Variants in NOMO1 observed in about 807,000 individuals in gnomAD.
NOMO1 encodes nodal modulator 3.
Under a neutral mutation model 133.8 loss-of-function variants are expected in NOMO1, and 40 were observed. The ratio of observed to expected loss-of-function variants is 0.30; its 90% CI spans 0.23 to 0.39. The LOEUF (loss-of-function observed/expected upper bound fraction) is 0.39. Ranked by LOEUF, NOMO1 falls within the 10% of genes least tolerant of loss-of-function variation. The pLI is 1.00. For missense variants in NOMO1, 462 were observed against 1,419.9 expected, an observed-to-expected ratio of 0.33 and a Z score of 10.84; for synonymous variants, 236 against 570.5, an observed-to-expected ratio of 0.41 and a Z score of 8.36.
chr16:14,837,202 A>G (rs1050073286), intron 1 of NOMO1, among the ~76,000 whole-genome samples: 1 of 151,360 alleles, frequency 6.6e-6, no homozygotes, highest in Non-Finnish European at 1.5e-5. Context: ...TCTAGTAGGG[A>G]TGAGGTGTGG....
At chr16:14,867,890 G>A (rs1391787502) in intron 15 of NOMO1, among the ~76,000 whole-genome samples, 1 of 131,846 alleles carries the variant, frequency 7.6e-6, no homozygotes, top group Non-Finnish European at 1.7e-5. Flanking sequence ...CTTGTAATAA[G>A]ATCCTTTTTT....
rs550588771 is a variant in NOMO1 at position 14,862,535 on chromosome 16, C to T, written c.1221-478C>T. On this transcript the variant is annotated intron_variant, in intron 11 of 30. Transcript: ENST00000287667. The stretch of plus-strand genomic sequence containing the variant: ...CTTTCATCCATGTATTATATATAAT[C>T]ACAAGCAAGGAAGACGTCTTTGATA... 8.2e-3 allele frequency: 1,382 copies of T among 168,872 alleles called. 12 individuals carry two copies. The highest frequency in any genetic ancestry group is 0.011 in the Non-Finnish European group (848 of 77,354). 10.5% of individuals were successfully genotyped at this position (168,872 alleles called of 1,614,324 possible). A position where few individuals can be genotyped will look rare whatever the true frequency, so the allele number is the denominator to read the frequency against.
chr16:14,858,598 A>G (rs1325156427), intron 11 of NOMO1, among the ~76,000 whole-genome samples: 1 of 151,916 alleles, frequency 6.6e-6, no homozygotes, highest in East Asian at 1.9e-4. Context: ...TGCGGGTGTA[A>G]AGCTGGGTGC....
intron 11 of NOMO1, among the ~76,000 whole-genome samples, chr16:14,859,084 G>A (rs1189190150): frequency 6.6e-6 from 1 of 152,000 alleles, no homozygotes; most frequent in Non-Finnish European, 1.5e-5. Flanking sequence ...CCTCAAATAT[G>A]TATGTGCAAG....
chr16:14,856,874 C>T lies in NOMO1; in HGVS notation c.964-343C>T, dbSNP rs1040057130. Reference sequence around the variant, plus strand: ...GTGTGCATGGGAGACTGGAGGAAGACGTGGTTCACCAAAATGGGGGCATCT... The same window carrying T: ...GTGTGCATGGGAGACTGGAGGAAGATGTGGTTCACCAAAATGGGGGCATCT... On this transcript the variant is annotated intron_variant, in intron 9 of 30. Coordinates refer to ENST00000287667, the MANE Select transcript of NOMO1 (RefSeq NM_014287.4). Among the ~76,000 whole-genome samples, 4 of 151,750 alleles carry T rather than the reference C, an allele frequency of 2.6e-5. No homozygotes were observed. In the South Asian group the frequency reaches 8.3e-4, roughly 32 times the overall value.
At chr16:14,864,409 T>G (rs1963960984) in intron 12 of NOMO1, among the ~76,000 whole-genome samples, 176 bp from the exon 13 acceptor site, 1 of 152,044 alleles carries the variant, frequency 6.6e-6, no homozygotes, top group Non-Finnish European at 1.5e-5. Context: ...AGAACTGTGC[T>G]TACTTCACAC....
chr16:14,884,127 T>C (rs1964285357), intron 26 of NOMO1, among the ~76,000 whole-genome samples: 1 of 151,482 alleles, frequency 6.6e-6, no homozygotes, highest in Non-Finnish European at 1.5e-5. Context: ...TTTTAACATG[T>C]TGGCAAGTAA....
intron 14 of NOMO1, among the ~76,000 whole-genome samples, chr16:14,866,230 T>C (rs2606969): frequency 0.67 from 95,701 of 142,644 alleles, 35,640 homozygotes; most frequent in Non-Finnish European, 0.81. Flanking sequence ...TGGATAACTT[T>C]TGTATTTTTA....
intron 15 of NOMO1, among the ~76,000 whole-genome samples, chr16:14,867,167 TATATATA>T (rs1254991119): frequency 1.9e-4 from 4 of 21,390 alleles, no homozygotes; most frequent in African/African-American, 3.6e-4. Context: ...TATATATATA[TATATATA>T]TATTTTTTTT....
intron 2 of NOMO1, among the ~76,000 whole-genome samples, chr16:14,839,551 A>G (rs984947504): frequency 2.6e-5 from 4 of 151,448 alleles, no homozygotes; most frequent in Non-Finnish European, 5.9e-5. Flanking sequence ...ACAGATTCAT[A>G]GGAAGTTGCA....
chr16:14,836,313 A>T (rs1211502287), intron 1 of NOMO1, among the ~76,000 whole-genome samples: 1 of 151,970 alleles, frequency 6.6e-6, no homozygotes. Context: ...TGAAGTTGTC[A>T]CTGACCTCAG....
chr16:14,835,979 G>A (rs1398073801), intron 1 of NOMO1, among the ~76,000 whole-genome samples: 1 of 151,456 alleles, frequency 6.6e-6, no homozygotes, highest in African/African-American at 2.4e-5. Flanking sequence ...CTGACATTTT[G>A]TTCTCTAACA....
Position 14,864,617 on chromosome 16 carries a change from G to T in NOMO1, c.1428G>T (p.Gly476=), listed in dbSNP as rs1380645239. ...TTCCTGAGGCAGAAACCAGAGCAGG[G>T]CTGACGTTGAAACCCCAGACATTTC... ...VMVPEAETRA[G]LTLKPQTFPL... The change falls in exon 13 of 31, where the codon GGG becomes GGT. Residue 476 remains glycine (G), a synonymous_variant. Transcript: ENST00000287667. The T allele has an allele frequency of 1.9e-6, 3 of 1,613,352 alleles. No homozygotes were observed. Among genetic ancestry groups the T allele is most frequent in the Non-Finnish European group, 1.7e-6 (2 of 1,179,818 alleles).
At chr16:14,892,575 T>C (rs1008649451) in intron 29 of NOMO1, among the ~76,000 whole-genome samples, 1 of 148,798 alleles carries the variant, frequency 6.7e-6, no homozygotes, top group Non-Finnish European at 1.5e-5. Flanking sequence ...AACCTGCACA[T>C]TGTGCACATA....
intron 1 of NOMO1, among the ~76,000 whole-genome samples, chr16:14,837,030 T>A (rs1963526510): frequency 6.6e-6 from 1 of 151,882 alleles, no homozygotes; most frequent in African/African-American, 2.4e-5. Context: ...TATTTTGTTT[T>A]ATTTTGAGGC....
intron 11 of NOMO1, among the ~76,000 whole-genome samples, chr16:14,860,241 G>A (rs1332474369): frequency 2.6e-5 from 4 of 151,710 alleles, no homozygotes; most frequent in Non-Finnish European, 5.9e-5. Context: ...GGTGATGCGC[G>A]CCTATAATCC....
Position 14,853,538 on chromosome 16 carries a change from C to T in NOMO1, c.807C>T (p.Cys269=), listed in dbSNP as rs1187349801. Reference sequence around the variant, plus strand: ...AAGACGAGAGTCTGGTGTATTTGTGCTACACGGTCTCCAGAGAAGATGGCT... The same window carrying T: ...AAGACGAGAGTCTGGTGTATTTGTGTTACACGGTCTCCAGAGAAGATGGCT... ...QPQDESLVYL[C]YTVSREDGSF... The change falls in exon 8 of 31, where the codon TGC becomes TGT. Residue 269 remains cysteine (C), a synonymous_variant. Coordinates refer to ENST00000287667, the MANE Select transcript of NOMO1 (RefSeq NM_014287.4). 3.7e-6 allele frequency: 6 copies of T among 1,607,218 alleles called. No individual in the cohort carries two copies. The highest frequency in any genetic ancestry group is 5.1e-6 in the Non-Finnish European group (6 of 1,178,726).
intron 27 of NOMO1, among the ~76,000 whole-genome samples, chr16:14,885,926 T>A (rs1964316774): frequency 6.6e-6 from 1 of 152,076 alleles, no homozygotes; most frequent in Non-Finnish European, 1.5e-5. Flanking sequence ...GGATCTTCAA[T>A]GCGACCCATA....
At chr16:14,887,403 C>T (rs931081249) in intron 28 of NOMO1, among the ~76,000 whole-genome samples, 2 of 151,850 alleles carry the variant, frequency 1.3e-5, no homozygotes, top group African/African-American at 2.4e-5. Flanking sequence ...ACACCATTCT[C>T]CTGCCTCAGC....
Sources: gnomAD v4.1 joint callset for allele counts (sites outside exome capture counted in the v4.1 genomes callset) on GRCh38, gnomAD v4.1.1 for gene constraint, MANE v1.5 for transcripts, NCBI Gene and HGNC (gene_info 2026-07-23, HGNC 2026-07-21) for gene names.